The following P3H2 variants were observed in gnomAD, a reference collection of about 807,000 sequenced individuals.
P3H2 encodes the protein prolyl 3-hydroxylase 2.
A neutral mutation model predicts 87.0 loss-of-function variants in P3H2; 80 were observed. That is an observed-to-expected ratio of 0.92 (90% confidence interval 0.77 to 1.11). The LOEUF is 1.11. Among genes scored for constraint, P3H2 ranks in the 50% least tolerant of loss-of-function variants. The probability of loss-of-function intolerance (pLI) is 0.00; values close to 1 mark genes in which losing one functional copy is unlikely to be tolerated. For missense variants in P3H2, 1,001 were observed against 923.9 expected (o/e 1.08, Z -1.08); for synonymous variants, 367 against 359.3 (o/e 1.02, Z -0.24).
chr3:189,983,329 C>T, intron 7 of P3H2, 189 bp from the exon 8 acceptor site: 1 of 580,288 alleles, frequency 1.7e-6, no homozygotes, highest in South Asian at 2.2e-5. Flanking sequence ...GGTGAGTTTG[C>T]CTTATTTCAC....
intron 1 of P3H2, 127 bp from the exon 2 acceptor site, chr3:189,995,569 T>G: frequency 4.9e-6 from 5 of 1,013,128 alleles, no homozygotes; most frequent in Non-Finnish European, 2.9e-6. Flanking sequence ...TTTTTTTTTT[T>G]TATCAGACAG....
intron 1 of P3H2, among the ~76,000 whole-genome samples, chr3:190,118,583 T>A (rs1041414080): frequency 6.6e-6 from 1 of 151,638 alleles, no homozygotes; most frequent in Non-Finnish European, 1.5e-5. Context: ...GGATTCAGAC[T>A]TTCTCCTCAT....
chr3:190,053,323 G>T (rs1001000655), intron 1 of P3H2, among the ~76,000 whole-genome samples: 7 of 151,832 alleles, frequency 4.6e-5, no homozygotes, highest in Non-Finnish European at 8.8e-5. Flanking sequence ...TGTAAAATTG[G>T]ATTTTCTTAT....
intron 1 of P3H2, among the ~76,000 whole-genome samples, chr3:190,006,257 T>C (rs528875249): frequency 3.7e-4 from 57 of 152,356 alleles, no homozygotes; most frequent in African/African-American, 1.4e-3. Flanking sequence ...TAGGGCTGGA[T>C]AGACTATTTA....
At chr3:189,986,022 A>C (rs1465316435) in intron 6 of P3H2, among the ~76,000 whole-genome samples, 1 of 152,228 alleles carries the variant, frequency 6.6e-6, no homozygotes, top group Admixed American at 6.5e-5. Flanking sequence ...ATAAACAATG[A>C]TTAGAAGACA....
At chr3:189,966,206 T>C (rs1304050880) in intron 13 of P3H2, among the ~76,000 whole-genome samples, 3 of 150,084 alleles carry the variant, frequency 2.0e-5, no homozygotes, top group Non-Finnish European at 3.0e-5. Context: ...GCCTTCTGAG[T>C]AAATGGCCTT....
At chr3:189,976,373 C>T (rs1397558549) in intron 8 of P3H2, among the ~76,000 whole-genome samples, 1 of 152,136 alleles carries the variant, frequency 6.6e-6, no homozygotes, top group Non-Finnish European at 1.5e-5. Flanking sequence ...TGGTGGAAGG[C>T]AAAGAAGGAG....
At chr3:189,998,060 G>A (rs978077548) in intron 1 of P3H2, among the ~76,000 whole-genome samples, 3 of 152,188 alleles carry the variant, frequency 2.0e-5, no homozygotes, top group African/African-American at 7.2e-5. Context: ...AATGTGTTCA[G>A]CAGTCACTAG....
At chr3:190,002,580 T>C (rs1724250874) in intron 1 of P3H2, among the ~76,000 whole-genome samples, 1 of 152,090 alleles carries the variant, frequency 6.6e-6, no homozygotes, top group Admixed American at 6.6e-5. Context: ...TTTGTATTTT[T>C]AGTAGAGATG....
chr3:190,038,487 A>T (rs551327523), intron 1 of P3H2, among the ~76,000 whole-genome samples: 1 of 8,528 alleles, frequency 1.2e-4, no homozygotes. Context: ...CTGCAGAATG[A>T]AAAAAAAAAA....
At chr3:190,044,782 C>T (rs1725747852) in intron 1 of P3H2, among the ~76,000 whole-genome samples, 1 of 152,094 alleles carries the variant, frequency 6.6e-6, no homozygotes. Context: ...AGGTAAACCT[C>T]GTCTAAATGT....
At chr3:190,075,472 G>T (rs1326853933) in intron 1 of P3H2, among the ~76,000 whole-genome samples, 11 of 148,084 alleles carry the variant, frequency 7.4e-5, no homozygotes, top group Non-Finnish European at 1.5e-5. Flanking sequence ...GCAACAAGAG[G>T]GAAACTCCGT....
chr3:189,987,991 T>G (rs989324779), intron 4 of P3H2, among the ~76,000 whole-genome samples: 1 of 152,228 alleles, frequency 6.6e-6, no homozygotes, highest in African/African-American at 2.4e-5. Context: ...AATTCTGATT[T>G]TTGTACCGAG....
At chr3:190,108,672 GTGAC>G (rs1273133010) in intron 1 of P3H2, among the ~76,000 whole-genome samples, 7 of 152,084 alleles carry the variant, frequency 4.6e-5, no homozygotes, top group African/African-American at 1.7e-4. Flanking sequence ...TCAATGGACT[GTGAC>G]TTACTTGAAG....
chr3:190,045,983 C>A (rs1666404), intron 1 of P3H2, among the ~76,000 whole-genome samples: 1 of 151,872 alleles, frequency 6.6e-6, no homozygotes, highest in South Asian at 2.1e-4. Flanking sequence ...ATTAGCCAGC[C>A]GTGGTGGCGG....
intron 13 of P3H2, among the ~76,000 whole-genome samples, chr3:189,966,415 G>T (rs1273543021): frequency 6.6e-6 from 1 of 152,176 alleles, no homozygotes; most frequent in Non-Finnish European, 1.5e-5. Context: ...GAATAACTTT[G>T]GGAAAGTTTA....
At chr3:190,054,487 G>C (rs1385034116) in intron 1 of P3H2, among the ~76,000 whole-genome samples, 9 of 152,046 alleles carry the variant, frequency 5.9e-5, no homozygotes, top group Non-Finnish European at 1.5e-5. Context: ...CTGTAGTTCA[G>C]CTGTTTGACA....
chr3:190,004,484 G>A (rs1179933541), intron 1 of P3H2, among the ~76,000 whole-genome samples: 4 of 152,132 alleles, frequency 2.6e-5, no homozygotes, highest in Admixed American at 6.5e-5. Context: ...CCGGGTTCAC[G>A]CCATTCTCCT....
chr3:190,080,337 C>T, intron 1 of P3H2, among the ~76,000 whole-genome samples: 1 of 152,174 alleles, frequency 6.6e-6, no homozygotes, highest in East Asian at 1.9e-4. Flanking sequence ...GTTTTGGCCA[C>T]ACAACATCTG....
Sources: gnomAD v4.1 joint callset for allele counts (sites outside exome capture counted in the v4.1 genomes callset) on GRCh38, gnomAD v4.1.1 for gene constraint, MANE v1.5 for transcripts, NCBI Gene and HGNC (gene_info 2026-07-23, HGNC 2026-07-21) for gene names.